PANX1: variants seen among roughly 807,000 people sequenced by gnomAD.
PANX1 encodes pannexin 1.
PANX1 carries 30 observed loss-of-function variants against 38.7 expected under a neutral mutation model. The observed-to-expected ratio is 0.78, with a 90% CI of 0.58 to 1.05. The LOEUF (loss-of-function observed/expected upper bound fraction) is 1.05, where lower values mean the gene tolerates loss of function less well. PANX1 is among the 50% of genes least tolerant of loss of function. The pLI is 0.00. For synonymous variants in PANX1, 230 were observed against 212.2 expected, an observed-to-expected ratio of 1.08 and a Z score of -0.73; for missense variants, 551 against 517.2, an observed-to-expected ratio of 1.07 and a Z score of -0.63.
Position 94,160,744 on chromosome 11 carries a change from A to G in PANX1, c.321+7114A>G, listed in dbSNP as rs552016898. On this transcript the variant is annotated intron_variant, in intron 2 of 4. Coordinates refer to ENST00000227638, the MANE Select transcript of PANX1 (RefSeq NM_015368.4). ...ATTTACATTTAAAATTAATATTGTT[A>G]TGTGTGAATGTGATCCTGTCATTAT... is the stretch of plus-strand genomic sequence containing the variant. Among the ~76,000 whole-genome samples, 5 of 152,218 alleles carry G rather than the reference A, an allele frequency of 3.3e-5. No individual in the cohort carries two copies. The East Asian group carries it at 9.7e-4, about 29-fold the overall frequency.
chr11:94,175,744 C>G, intron 2 of PANX1: 9 of 984,730 alleles, frequency 9.1e-6, no homozygotes, highest in Non-Finnish European at 9.6e-6. Context: ...CTTCTCCCCA[C>G]AGCCAGCTAT....
intron 1 of PANX1, among the ~76,000 whole-genome samples, chr11:94,137,804 A>C (rs1240896960): frequency 8.6e-6 from 1 of 116,148 alleles, no homozygotes; most frequent in African/African-American, 3.5e-5. Flanking sequence ...TGTAGAAAAT[A>C]TGGAAAATAC....
chr11:94,154,791 C>T (rs1406358626), intron 2 of PANX1, among the ~76,000 whole-genome samples: 1 of 152,156 alleles, frequency 6.6e-6, no homozygotes, highest in Non-Finnish European at 1.5e-5. Flanking sequence ...TTACCAATAA[C>T]ATAAACAGTC....
intron 2 of PANX1, among the ~76,000 whole-genome samples, chr11:94,161,372 C>T (rs927296991): frequency 2.6e-5 from 4 of 152,304 alleles, no homozygotes; most frequent in African/African-American, 7.2e-5. Context: ...CAATCAGACG[C>T]AGATTTGGTC....
intron 2 of PANX1, chr11:94,175,675 A>G (rs1420311284): frequency 1.2e-6 from 1 of 852,508 alleles, no homozygotes; most frequent in Non-Finnish European, 1.4e-6. Flanking sequence ...TGTGTCATGC[A>G]CTTATGTTTT....
chr11:94,179,690 A>G lies in PANX1; in HGVS notation c.634A>G (p.Lys212Glu), dbSNP rs1303981799. The change falls in exon 4 of 5, where the codon AAG (lysine) becomes GAG (glutamate). Residue 212 changes from lysine to glutamate, a missense_variant. Coordinates refer to ENST00000227638, the MANE Select transcript of PANX1 (RefSeq NM_015368.4). ...GAAAAATTCTAATAATTTAATCATC[A>G]AGTACATTAGCTGCCGCCTGCTGAC... ...TKKNSNNLII[K>E]YISCRLLTLI... 3 of 1,613,770 alleles carry G rather than the reference A, an allele frequency of 1.9e-6. No individual in the cohort carries two copies. Among genetic ancestry groups the G allele is most frequent in the Middle Eastern group, 1.7e-4 (1 of 6,058 alleles).
chr11:94,174,235 T>C (rs1464519390), intron 2 of PANX1, among the ~76,000 whole-genome samples: 1 of 151,448 alleles, frequency 6.6e-6, no homozygotes, highest in African/African-American at 2.5e-5. Flanking sequence ...TTCCAGGTGG[T>C]CATTAGTTAG....
At chr11:94,133,166 A>G (rs1055224135) in intron 1 of PANX1, among the ~76,000 whole-genome samples, 5 of 152,074 alleles carry the variant, frequency 3.3e-5, no homozygotes, top group African/African-American at 9.7e-5. Context: ...TGAAGCGTCC[A>G]CTCCTCAGAG....
intron 2 of PANX1, chr11:94,175,625 G>T: frequency 9.1e-6 from 4 of 437,772 alleles, no homozygotes; most frequent in Non-Finnish European, 1.2e-5. Context: ...TTCCCAGATA[G>T]AATGCCTGGC....
intron 2 of PANX1, among the ~76,000 whole-genome samples, chr11:94,156,942 GT>G (rs1946956122): frequency 6.6e-6 from 1 of 150,940 alleles, no homozygotes; most frequent in African/African-American, 2.4e-5. Context: ...TGTTGTCGTT[GT>G]TCAATTCCCA....
chr11:94,134,826 C>T (rs1424780887), intron 1 of PANX1, among the ~76,000 whole-genome samples: 4 of 152,104 alleles, frequency 2.6e-5, no homozygotes, highest in East Asian at 1.9e-4. Context: ...CACCAGACAC[C>T]GAATCTGCTG....
chr11:94,148,754 CT>C (rs1199619098), intron 1 of PANX1, among the ~76,000 whole-genome samples: 12 of 152,100 alleles, frequency 7.9e-5, no homozygotes, highest in African/African-American at 2.9e-4. Flanking sequence ...ATTTCGCAGA[CT>C]TTTAAAATCA....
In PANX1 at chr11:94,145,710, G is replaced by A. The variant is rs557388613; in HGVS notation, c.182-7781G>A. On this transcript the variant is annotated intron_variant, in intron 1 of 4. Coordinates refer to ENST00000227638, the MANE Select transcript of PANX1 (RefSeq NM_015368.4). The stretch of plus-strand genomic sequence containing the variant: ...GTTGACATAGTGTCCAGACTAAACC[G>A]TTTAAAACAAAAATCAGAAACTACC... Among the ~76,000 whole-genome samples, 9 of 152,254 alleles carry A rather than the reference G, an allele frequency of 5.9e-5. No homozygotes were observed. In the South Asian group the frequency reaches 8.3e-4, roughly 14 times the overall value.
intron 2 of PANX1, among the ~76,000 whole-genome samples, chr11:94,162,098 ACCTGGTTGTGTGAGGTGT>A (rs1489953876): frequency 6.6e-6 from 1 of 152,100 alleles, no homozygotes; most frequent in Non-Finnish European, 1.5e-5. Flanking sequence ...TCAGAGGAGT[ACCTGGTTGTGTGAGGTGT>A]CAGTCTGCCC....
chr11:94,130,616 G>C (rs963386502), intron 1 of PANX1, among the ~76,000 whole-genome samples: 1 of 152,156 alleles, frequency 6.6e-6, no homozygotes, highest in African/African-American at 2.4e-5. Context: ...CTGGGTGCCA[G>C]AGAGCAAGGC....
At chr11:94,167,537 C>A (rs1947116829) in intron 2 of PANX1, among the ~76,000 whole-genome samples, 1 of 152,006 alleles carries the variant, frequency 6.6e-6, no homozygotes, top group Admixed American at 6.6e-5. Context: ...ACAAGAAAAC[C>A]AAGAGAAAAA....
intron 2 of PANX1, among the ~76,000 whole-genome samples, chr11:94,162,664 C>T (rs989576850): frequency 1.3e-5 from 2 of 152,168 alleles, no homozygotes; most frequent in African/African-American, 2.4e-5. Flanking sequence ...CCTTGCGCTT[C>T]CCGGGTGAGG....
At chr11:94,140,807 ATATT>A (rs1347477157) in intron 1 of PANX1, among the ~76,000 whole-genome samples, 1 of 152,232 alleles carries the variant, frequency 6.6e-6, no homozygotes, top group African/African-American at 2.4e-5. Context: ...AGACTTAAAA[ATATT>A]TATTAATTGA....
rs551876702 is a variant in PANX1 at position 94,149,039 on chromosome 11, G to A, written c.182-4452G>A. ...TCACTTTCCTCACCTTTAAAATAGG[G>A]GTGAAAGTACACAGCAAGGGTTAGT... On this transcript the variant is annotated intron_variant, in intron 1 of 4. Coordinates refer to ENST00000227638, the MANE Select transcript of PANX1 (RefSeq NM_015368.4). Among the ~76,000 whole-genome samples the A allele has an allele frequency of 2.6e-4, 39 of 152,236 alleles. No homozygotes were observed. In the South Asian group the frequency reaches 2.9e-3, roughly 11 times the overall value.
Sources: allele counts gnomAD v4.1 joint callset (sites outside exome capture counted in the v4.1 genomes callset), GRCh38; gene constraint gnomAD v4.1.1; transcripts MANE v1.5; gene names NCBI Gene and HGNC (gene_info 2026-07-23, HGNC 2026-07-21).